The following NOL4L variants were observed in gnomAD, a reference collection of about 807,000 sequenced individuals.
NOL4L encodes the protein nucleolar protein 4-like.
NOL4L carries 7 observed loss-of-function variants against 64.5 expected under a neutral mutation model. The ratio of observed to expected loss-of-function variants is 0.11; its 90% CI spans 0.06 to 0.20. The LOEUF is 0.20. Among genes scored for constraint, NOL4L ranks in the 10% least tolerant of loss-of-function variants. The probability of loss-of-function intolerance (pLI) is 1.00; values close to 1 mark genes in which losing one functional copy is unlikely to be tolerated. For synonymous variants in NOL4L, 413 were observed against 401.0 expected (o/e 1.03, Z -0.36); for missense variants, 680 against 967.1 (o/e 0.70, Z 3.94).
intron 5 of NOL4L, among the ~76,000 whole-genome samples, chr20:32,468,575 G>A (rs1455749451): frequency 6.6e-6 from 1 of 152,116 alleles, no homozygotes; most frequent in Non-Finnish European, 1.5e-5. Context: ...CAGCCCTGAG[G>A]GGCACCCTGC....
chr20:32,529,834 C>T (rs770602449), intron 1 of NOL4L, among the ~76,000 whole-genome samples: 2 of 152,234 alleles, frequency 1.3e-5, no homozygotes, highest in South Asian at 2.1e-4. Flanking sequence ...GGAGAAGCCA[C>T]TTGCTGGTCC....
intron 4 of NOL4L, among the ~76,000 whole-genome samples, chr20:32,479,938 G>A (rs1391532161): frequency 6.6e-6 from 1 of 152,166 alleles, no homozygotes; most frequent in Non-Finnish European, 1.5e-5. Flanking sequence ...GACAGGTTCA[G>A]TCTCTCTCCA....
At chr20:32,502,218 A>G (rs899744627) in intron 4 of NOL4L, among the ~76,000 whole-genome samples, 6 of 152,232 alleles carry the variant, frequency 3.9e-5, no homozygotes, top group Non-Finnish European at 8.8e-5. Context: ...ATAAGAAAGA[A>G]AAGAGGCTGT....
intron 5 of NOL4L, among the ~76,000 whole-genome samples, chr20:32,467,971 G>C (rs1194010179): frequency 6.6e-6 from 1 of 152,162 alleles, no homozygotes; most frequent in Non-Finnish European, 1.5e-5. Flanking sequence ...CTGCTGCCCA[G>C]TTTGCATTTC....
rs11167170 is a variant in NOL4L at position 32,497,056 on chromosome 20, C to CAAAAAA, written c.699+14285_699+14290dup. Among the ~76,000 whole-genome samples, 12 of 76,764 alleles carry CAAAAAA rather than the reference C, an allele frequency of 1.6e-4. 1 individual carries two copies. The highest frequency in any genetic ancestry group is 4.9e-4 in the African/African-American group (9 of 18,248). 50.4% of individuals were successfully genotyped at this position (76,764 alleles called of 152,430 possible). A position where few individuals can be genotyped will look rare whatever the true frequency, so the allele number is the denominator to read the frequency against. Reference sequence around the variant, plus strand: ...AAGCAATACTGTGCCCTCCTACCCTCAAAAAAAAAAAAAAAAAAAAAGCCC... The same window carrying CAAAAAA: ...AAGCAATACTGTGCCCTCCTACCCTCAAAAAAAAAAAAAAAAAAAAAAAAAAAGCCC... On this transcript the variant is annotated intron_variant, in intron 4 of 10. Transcript: ENST00000621426.
chr20:32,548,661 C>A, intron 1 of NOL4L: 1 of 288,890 alleles, frequency 3.5e-6, no homozygotes, highest in South Asian at 2.8e-5. Flanking sequence ...AAAATTGGTT[C>A]CCTGTCTGTG....
chr20:32,527,081 C>T (rs1411094710), intron 2 of NOL4L, among the ~76,000 whole-genome samples: 2 of 152,194 alleles, frequency 1.3e-5, no homozygotes, highest in African/African-American at 2.4e-5. Flanking sequence ...ACAGGTGTCA[C>T]CTTCTCCACA....
rs972743425 is a variant in NOL4L, at chr20:32,443,514, T to C, written c.*4082A>G. On this transcript the variant is annotated 3_prime_UTR_variant, in exon 11 of 11. Transcript: ENST00000621426. ...GGTGCCATCCACTGTTTGCCTTAAGTGCTTACTATCTGGAGCCCTGTGCCC... is the reference window on the plus strand; with the variant it reads ...GGTGCCATCCACTGTTTGCCTTAAGCGCTTACTATCTGGAGCCCTGTGCCC... The C allele has an allele frequency of 1.3e-5, 2 of 152,270 alleles. No individual in the cohort carries two copies. The highest frequency in any genetic ancestry group is 1.5e-5 in the Non-Finnish European group (1 of 68,068). The allele number at this position is 152,270 out of a possible 1,614,324, so 9.4% of individuals were successfully genotyped here. A position where few individuals can be genotyped will look rare whatever the true frequency, so the allele number is the denominator to read the frequency against.
In NOL4L at chr20:32,453,732, A is replaced by G. The variant is rs909262964; in HGVS notation, c.1149T>C (p.Asp383=). Residue 383 remains aspartate, a synonymous_variant, in exon 7 of 11, where the codon GAT becomes GAC. Transcript: ENST00000621426. This position sits in a 1 kb window ranked among gnomAD's most constrained non-coding sequence, Gnocchi z 5.6. ...AGCCGCTGACCTCGGTCTTGATGGA[A>G]TCGTAGCTCCCAGAGCTGTAGGGGG... is the stretch of plus-strand genomic sequence containing the variant. The part of the protein sequence containing the change: ...ESPPYSSGSY[D]SIKTEVSGCP... The G allele has an allele frequency of 1.9e-6, 3 of 1,555,274 alleles. No individual in the cohort carries two copies. The highest frequency in any genetic ancestry group is 2.6e-6 in the Non-Finnish European group (3 of 1,148,864).
At chr20:32,454,694 C>G (rs1012987866) in intron 6 of NOL4L, among the ~76,000 whole-genome samples, 1 of 152,246 alleles carries the variant, frequency 6.6e-6, no homozygotes, top group African/African-American at 2.4e-5. Context: ...GTCCTAAGTA[C>G]TCGTTCAGAT....
intron 4 of NOL4L, among the ~76,000 whole-genome samples, chr20:32,491,499 T>G (rs989791725): frequency 1.3e-5 from 2 of 152,250 alleles, no homozygotes; most frequent in Non-Finnish European, 2.9e-5. Flanking sequence ...TTTTCCGAAC[T>G]GGGCCATTCG....
At chr20:32,475,589 C>T (rs1234585409) in intron 4 of NOL4L, among the ~76,000 whole-genome samples, 1 of 152,262 alleles carries the variant, frequency 6.6e-6, no homozygotes, top group Admixed American at 6.5e-5. Flanking sequence ...AGGGCCCCCA[C>T]CTCCTCCAGG....
At chr20:32,494,228 G>A (rs1205387585) in intron 4 of NOL4L, among the ~76,000 whole-genome samples, 1 of 131,388 alleles carries the variant, frequency 7.6e-6, no homozygotes, top group Non-Finnish European at 1.5e-5. Flanking sequence ...ACTCCAGCCT[G>A]GGCCACAGAG....
intron 3 of NOL4L, among the ~76,000 whole-genome samples, chr20:32,512,064 C>T (rs916783619): frequency 6.6e-6 from 1 of 152,074 alleles, no homozygotes; most frequent in Non-Finnish European, 1.5e-5. Flanking sequence ...CACACACACA[C>T]GTTTATAGGA....
intron 5 of NOL4L, among the ~76,000 whole-genome samples, chr20:32,456,787 A>C (rs1478142216): frequency 6.6e-6 from 1 of 152,114 alleles, no homozygotes; most frequent in East Asian, 1.9e-4. Context: ...AGCTCCCAGG[A>C]CCGCACCTCC....
At chr20:32,452,549 T>C (rs2013034713) in intron 9 of NOL4L, 112 bp from the exon 10 acceptor site, 1 of 1,012,574 alleles carries the variant, frequency 9.9e-7, no homozygotes, top group Non-Finnish European at 1.4e-6. Flanking sequence ...TGGGACCCAA[T>C]GCTGCGGTTT....
chr20:32,492,220 C>T (rs575197926), intron 4 of NOL4L, among the ~76,000 whole-genome samples: 1 of 152,182 alleles, frequency 6.6e-6, no homozygotes, highest in Non-Finnish European at 1.5e-5. Context: ...ACATTGTGGG[C>T]CCCCCATACC....
intron 4 of NOL4L, 165 bp from the exon 5 acceptor site, chr20:32,474,907 CG>C: frequency 1.0e-6 from 1 of 985,434 alleles, no homozygotes. Flanking sequence ...CCCCCTTGCC[CG>C]GTGGAAGTGG....
In NOL4L at chr20:32,554,049, G is replaced by C. The variant is rs186041437; in HGVS notation, c.322-26136C>G. ...GAATGTATTGGATGTGGCCAGGCGCGGTGGCTCACACCTGTAATCCCAGCA... is the reference window on the plus strand; with the variant it reads ...GAATGTATTGGATGTGGCCAGGCGCCGTGGCTCACACCTGTAATCCCAGCA... On this transcript the variant is annotated intron_variant, in intron 1 of 10. Transcript: ENST00000621426. 1.4e-4 allele frequency among the ~76,000 whole-genome samples: 22 copies of C among 152,244 alleles called. No individual in the cohort carries two copies. In the South Asian group the frequency reaches 1.4e-3, roughly 10 times the overall value.
Sources: gnomAD v4.1 joint callset for allele counts (sites outside exome capture counted in the v4.1 genomes callset) on GRCh38, gnomAD v4.1.1 for gene constraint, Gnocchi (gnomAD v3.1) non-coding constraint, MANE v1.5 for transcripts, NCBI Gene and HGNC (gene_info 2026-07-23, HGNC 2026-07-21) for gene names.